GAD1: variants seen among roughly 807,000 people sequenced by gnomAD.
GAD1 encodes 67 kDa glutamic acid decarboxylase.
Under a neutral mutation model 75.2 loss-of-function variants are expected in GAD1, and 35 were observed. That is an observed-to-expected ratio of 0.47 (90% CI 0.36 to 0.62). The LOEUF (loss-of-function observed/expected upper bound fraction) is 0.62, where lower values mean the gene tolerates loss of function less well. Ranked by LOEUF, GAD1 falls within the 20% of genes least tolerant of loss-of-function variation. GAD1 has a pLI of 0.00. For missense variants in GAD1, 490 were observed against 758.5 expected, an observed-to-expected ratio of 0.65 and a Z score of 4.16; for synonymous variants, 257 against 271.9, an observed-to-expected ratio of 0.95 and a Z score of 0.54.
At position 170,853,898 on chromosome 2, in the gene GAD1, T is replaced by C. The variant is rs1312555869; in HGVS notation, c.1289T>C (p.Met430Thr). 4.3e-6 allele frequency: 7 copies of C among 1,614,024 alleles called. No homozygotes were observed. The highest frequency in any genetic ancestry group is 5.9e-6 in the Non-Finnish European group (7 of 1,180,034). The change falls in exon 14 of 17, where the codon ATG (methionine) becomes ACG (threonine). Residue 430 changes from methionine to threonine, a missense_variant. Around this residue, in one of 3 missense-constraint regions of GAD1, gnomAD observed 324 missense variants for 523.9 expected, o/e 0.62. Transcript: ENST00000358196. The surrounding 1 kb of genome is among the most constrained non-coding windows in gnomAD (Gnocchi z 4.1). The part of the protein sequence containing the change: ...EKGILQGCNQ[M>T]CAGYLFQPDK... ...GGTATACTCCAAGGATGCAACCAGA[T>C]GTGTGCAGGATACCTCTTCCAGCCA... is the stretch of plus-strand genomic sequence containing the variant.
intron 10 of GAD1, among the ~76,000 whole-genome samples, chr2:170,846,843 T>TA (rs1559282806): frequency 1.3e-5 from 2 of 152,054 alleles, no homozygotes; most frequent in South Asian, 4.2e-4. Flanking sequence ...CACATCTCTG[T>TA]AAAAAATTTT....
intron 12 of GAD1, among the ~76,000 whole-genome samples, chr2:170,851,978 G>C (rs1702751327): frequency 6.6e-6 from 1 of 152,134 alleles, no homozygotes. Flanking sequence ...TGCCCCATAA[G>C]TGGGTAGGGC....
chr2:170,823,725 C>A (rs1575425117), intron 3 of GAD1, among the ~76,000 whole-genome samples: 2 of 151,876 alleles, frequency 1.3e-5, no homozygotes, highest in South Asian at 4.2e-4. Context: ...TCGGCGGCCG[C>A]AGCGCTCGGC....
At chr2:170,849,011 C>T (rs1388951409) in intron 11 of GAD1, 2 of 511,234 alleles carry the variant, frequency 3.9e-6, no homozygotes, top group Non-Finnish European at 7.2e-6. Context: ...GGCCATTGGA[C>T]CTTTGGGTCT....
At chr2:170,813,626 C>A (rs1701648313), upstream of GAD1, among the ~76,000 whole-genome samples, 1 of 152,082 alleles carries the variant, frequency 6.6e-6, no homozygotes, top group Non-Finnish European at 1.5e-5. Flanking sequence ...GATCTCCCCG[C>A]AGCCCGTTTG....
Position 170,853,065 on chromosome 2 carries a change from T to A in GAD1, c.1263+273T>A. 1 of 508,224 alleles carries A rather than the reference T, an allele frequency of 2.0e-6. No homozygotes were observed. The allele number at this position is 508,224 out of a possible 1,614,324, so 31.5% of individuals were successfully genotyped here. ...AATTATTTAATTGAGTATTCCTTCA[T>A]GTTTGCACAAAAAAAGTGGGAGCAA... On this transcript the variant is annotated intron_variant, in intron 13 of 16. Transcript: ENST00000358196. This position sits in a 1 kb window ranked among gnomAD's most constrained non-coding sequence, Gnocchi z 4.1.
Position 170,827,166 on chromosome 2 carries a change from A to C in GAD1, c.146-2309A>C, listed in dbSNP as rs1702045136. Among the ~76,000 whole-genome samples the C allele has an allele frequency of 2.0e-5, 3 of 151,952 alleles. No individual in the cohort carries two copies. In the South Asian group the frequency reaches 6.2e-4, roughly 32 times the overall value. ...GGCTCCCTTGTGTGGGAGGATTCTA[A>C]TCACCGCAGCCCTCCCATGCATCCC... On this transcript the variant is annotated intron_variant, in intron 3 of 16. Coordinates refer to ENST00000358196, the MANE Select transcript of GAD1 (RefSeq NM_000817.3).
At chr2:170,831,584 G>A (rs1702224852) in intron 5 of GAD1, among the ~76,000 whole-genome samples, 1 of 127,802 alleles carries the variant, frequency 7.8e-6, no homozygotes, top group Non-Finnish European at 1.7e-5. Flanking sequence ...GCGAAACCTT[G>A]TCTCTACATA....
In GAD1 at chr2:170,859,756, G is replaced by A. The variant is rs1202350146; in HGVS notation, c.1659G>A (p.Met553Ile). The change falls in exon 17 of 17, where the codon ATG becomes ATA. Residue 553 changes from methionine (M) to isoleucine (I), a missense_variant. Coordinates refer to ENST00000358196, the MANE Select transcript of GAD1 (RefSeq NM_000817.3). ...TGATGATGGAGTCAGGTACGACCAT[G>A]GTTGGCTACCAGCCCCAAGGGGACA... The part of the protein sequence containing the change: ...KALMMESGTT[M>I]VGYQPQGDKA... 1.9e-6 allele frequency: 3 copies of A among 1,614,078 alleles called. No homozygotes were observed. The highest frequency in any genetic ancestry group is 2.5e-6 in the Non-Finnish European group (3 of 1,180,036).
chr2:170,848,697 ACAATTGGC>A (rs1559283748), intron 11 of GAD1: 2 of 517,840 alleles, frequency 3.9e-6, no homozygotes, highest in African/African-American at 1.9e-5. Flanking sequence ...TTAACTTCTC[ACAATTGGC>A]CAATAGGATC....
intron 2 of GAD1, chr2:170,821,582 C>G (rs140227062): frequency 5.9e-6 from 1 of 168,292 alleles, no homozygotes; most frequent in East Asian, 1.8e-4. Context: ...CTTCCACGAC[C>G]CCATTTCATG....
At chr2:170,855,063 TTAA>T (rs1051549756) in intron 14 of GAD1, among the ~76,000 whole-genome samples, 2 of 152,178 alleles carry the variant, frequency 1.3e-5, no homozygotes, top group African/African-American at 4.8e-5. Context: ...TAAATTAATT[TTAA>T]TAATTTCTAT....
chr2:170,847,828 G>T (rs1007696673), intron 11 of GAD1, 36 bp downstream of exon 11: 1 of 1,403,098 alleles, frequency 7.1e-7, no homozygotes, highest in Non-Finnish European at 1.0e-6. Context: ...TCCATGTGGG[G>T]GGTGGAGGCA....
At position 170,818,442 on chromosome 2, in the gene GAD1, G is replaced by A; in HGVS notation, c.-63-87G>A. The A allele has an allele frequency of 1.3e-6, 1 of 753,134 alleles. No homozygotes were observed. The highest frequency in any genetic ancestry group is 2.4e-6 in the Non-Finnish European group (1 of 415,054). 46.7% of individuals were successfully genotyped at this position (753,134 alleles called of 1,614,324 possible). On this transcript the variant is annotated intron_variant, in intron 1 of 16. Transcript: ENST00000358196. The surrounding 1 kb of genome is among the most constrained non-coding windows in gnomAD (Gnocchi z 5.9). The stretch of plus-strand genomic sequence containing the variant: ...TCTCTCCAGAGCCGGATCTTCAAGG[G>A]GAGCCTCCGTGCCCCCGGCTGCTCA...
chr2:170,842,327 G>A lies in GAD1; in HGVS notation c.639-1718G>A, dbSNP rs921497675. 3.9e-5 allele frequency among the ~76,000 whole-genome samples: 6 copies of A among 152,278 alleles called. 1 individual carries two copies. The highest frequency in any genetic ancestry group is 6.5e-5 in the Admixed American group (1 of 15,298). ...GATATTACGGTATGTGATTTCATTT[G>A]TTCCTTGCCTTACCCCAGAGAGCTT... is the stretch of plus-strand genomic sequence containing the variant. On this transcript the variant is annotated intron_variant, in intron 6 of 16. Coordinates refer to ENST00000358196, the MANE Select transcript of GAD1 (RefSeq NM_000817.3).
chr2:170,858,340 C>A lies in GAD1; in HGVS notation c.1522-464C>A, dbSNP rs116711394. ...TCTTTTGGTTTTTTTTAGGAGCAAC[C>A]CTATTAATTGATATATCCAGTCTTA... On this transcript the variant is annotated intron_variant, in intron 15 of 16. Coordinates refer to ENST00000358196, the MANE Select transcript of GAD1 (RefSeq NM_000817.3). Among the ~76,000 whole-genome samples the A allele has an allele frequency of 9.2e-3, 1,403 of 152,110 alleles. 26 individuals are homozygous for A. The highest frequency in any genetic ancestry group is 0.032 in the African/African-American group (1,319 of 41,496).
intron 3 of GAD1, among the ~76,000 whole-genome samples, chr2:170,824,344 G>T (rs1701972954): frequency 6.6e-6 from 1 of 151,476 alleles, no homozygotes; most frequent in South Asian, 2.1e-4. Context: ...GCAGTCTTTT[G>T]TGTTGGCCCT....
At chr2:170,839,721 G>C (rs56932796) in intron 6 of GAD1, among the ~76,000 whole-genome samples, 8,136 of 152,044 alleles carry the variant, frequency 0.054, 442 homozygotes, top group East Asian at 0.24. Flanking sequence ...CCAAACAAAA[G>C]TTCACAAATA....
Position 170,830,913 on chromosome 2 carries a change from G to C in GAD1, c.305-37G>C, listed in dbSNP as rs45578934. On this transcript the variant is annotated intron_variant, in intron 4 of 16. Transcript: ENST00000358196. The stretch of plus-strand genomic sequence containing the variant: ...CTGGGCTGAAGAAATCTAGATATGA[G>C]TCAGGTGAAAACCATTCATTGCTCT... 641 of 1,614,004 alleles carry C rather than the reference G, an allele frequency of 4.0e-4. 2 individuals carry two copies. Among genetic ancestry groups the C allele is most frequent in the African/African-American group, 3.8e-3 (283 of 75,048 alleles).
Sources: gnomAD v4.1 joint callset for allele counts (sites outside exome capture counted in the v4.1 genomes callset) on GRCh38, gnomAD v4.1.1 for gene constraint, gnomAD v4.1.1 regional missense constraint, Gnocchi (gnomAD v3.1) non-coding constraint, MANE v1.5 for transcripts, NCBI Gene and HGNC (gene_info 2026-07-23, HGNC 2026-07-21) for gene names.